LRRC8D: variants seen among roughly 807,000 people sequenced by gnomAD.
LRRC8D encodes leucine rich repeat containing 8 VRAC subunit D, also known as volume-regulated anion channel subunit LRRC8D.
A neutral mutation model predicts 55.8 loss-of-function variants in LRRC8D; 20 were observed. The observed-to-expected ratio is 0.36, with a 90% confidence interval of 0.25 to 0.52. The LOEUF (loss-of-function observed/expected upper bound fraction) is 0.52, where lower values mean the gene tolerates loss of function less well. LRRC8D is among the 20% of genes least tolerant of loss of function. The pLI is 0.93. For missense variants in LRRC8D, 651 were observed against 1,030.8 expected, an observed-to-expected ratio of 0.63 and a Z score of 5.05; for synonymous variants, 352 against 377.0, an observed-to-expected ratio of 0.93 and a Z score of 0.77.
At chr1:89,855,116 A>G (rs777618289) in intron 2 of LRRC8D, among the ~76,000 whole-genome samples, 7 of 151,994 alleles carry the variant, frequency 4.6e-5, no homozygotes, top group Non-Finnish European at 8.8e-5. Context: ...ACTCTTTGTT[A>G]AAAGTGTAGT....
At chr1:89,829,235 A>G (rs1277611262) in intron 1 of LRRC8D, among the ~76,000 whole-genome samples, 1 of 152,228 alleles carries the variant, frequency 6.6e-6, no homozygotes, top group Non-Finnish European at 1.5e-5. Context: ...TGGACAATGT[A>G]TGGAACACCT....
rs1226436542 is a variant in LRRC8D at position 89,925,329 on chromosome 1, C to T, written c.-2-7738C>T. ...AAGCTCAGGGATCGCGCTGATTCCA[C>T]ATTATGGTGAGTTGTATAATTATTT... On this transcript the variant is annotated intron_variant, in intron 2 of 2. Transcript: ENST00000337338. Among the ~76,000 whole-genome samples the T allele has an allele frequency of 3.3e-5, 5 of 152,080 alleles. No individual in the cohort carries two copies. In the South Asian group the frequency reaches 8.3e-4, roughly 25 times the overall value.
chr1:89,883,618 G>T lies in LRRC8D; in HGVS notation c.-3+39836G>T, dbSNP rs2100856149. On this transcript the variant is annotated intron_variant, in intron 2 of 2. Coordinates refer to ENST00000337338, the MANE Select transcript of LRRC8D (RefSeq NM_001134479.2). ...CTGTGGATTCTGGGCCTTTAAGGCTGCTGTTAAAATCACTAACTGTGGGGT... is the reference window on the plus strand; with the variant it reads ...CTGTGGATTCTGGGCCTTTAAGGCTTCTGTTAAAATCACTAACTGTGGGGT... Among the ~76,000 whole-genome samples the T allele has an allele frequency of 2.6e-5, 4 of 152,282 alleles. 1 individual carries two copies. The highest frequency in any genetic ancestry group is 2.6e-4 in the Admixed American group (4 of 15,298).
chr1:89,898,583 C>A (rs1662772311), intron 2 of LRRC8D, among the ~76,000 whole-genome samples: 1 of 152,160 alleles, frequency 6.6e-6, no homozygotes, highest in South Asian at 2.1e-4. Context: ...GTGGCCCCAG[C>A]AGCAAGGCTA....
intron 2 of LRRC8D, among the ~76,000 whole-genome samples, chr1:89,879,298 C>T (rs1662221951): frequency 1.3e-5 from 2 of 152,142 alleles, no homozygotes; most frequent in African/African-American, 2.4e-5. Context: ...TTATCAATTT[C>T]CTGGGGGTAT....
intron 2 of LRRC8D, among the ~76,000 whole-genome samples, chr1:89,917,008 G>C (rs1043454087): frequency 6.6e-6 from 1 of 152,088 alleles, no homozygotes; most frequent in African/African-American, 2.4e-5. Context: ...CTATTGTACA[G>C]GTAAAAGGTG....
chr1:89,828,517 G>GT (rs1194648103), intron 1 of LRRC8D, among the ~76,000 whole-genome samples: 1 of 152,136 alleles, frequency 6.6e-6, no homozygotes, highest in African/African-American at 2.4e-5. Context: ...AGGTTGGCTT[G>GT]TTTTTTCATT....
At chr1:89,881,936 T>C (rs575340342) in intron 2 of LRRC8D, among the ~76,000 whole-genome samples, 17 of 152,196 alleles carry the variant, frequency 1.1e-4, no homozygotes, top group Admixed American at 3.3e-4. Context: ...TGTTCATGAG[T>C]CTTCATCTGG....
rs74228339 is a variant in LRRC8D, at chr1:89,910,587, C to T, written c.-2-22480C>T. On this transcript the variant is annotated intron_variant, in intron 2 of 2. Transcript: ENST00000337338. ...CAAATTTAATTTAATTTGAGTTAAT[C>T]TCTAGTTTAAAATAAGCTGAGGGGG... Among the ~76,000 whole-genome samples the T allele has an allele frequency of 4.7e-3, 718 of 152,088 alleles. 13 individuals carry two copies. The highest frequency in any genetic ancestry group is 0.036 in the East Asian group (188 of 5,178).
At chr1:89,914,491 C>T (rs1422913435) in intron 2 of LRRC8D, among the ~76,000 whole-genome samples, 1 of 150,342 alleles carries the variant, frequency 6.7e-6, no homozygotes, top group Non-Finnish European at 1.5e-5. Flanking sequence ...CAAGCAAGGG[C>T]TTTGAGGACT....
At chr1:89,902,547 T>C (rs1662889546) in intron 2 of LRRC8D, among the ~76,000 whole-genome samples, 1 of 151,964 alleles carries the variant, frequency 6.6e-6, no homozygotes, top group Admixed American at 6.5e-5. Context: ...TTTTCTTTTT[T>C]TTTTTTTGAG....
At chr1:89,921,558 TGAGA>T (rs991438184) in intron 2 of LRRC8D, among the ~76,000 whole-genome samples, 3 of 152,010 alleles carry the variant, frequency 2.0e-5, no homozygotes, top group South Asian at 2.1e-4. Context: ...TTTTGTTTTT[TGAGA>T]GAGAGAGAGT....
intron 1 of LRRC8D, among the ~76,000 whole-genome samples, chr1:89,839,084 A>G (rs939913496): frequency 4.0e-4 from 61 of 152,148 alleles, no homozygotes; most frequent in African/African-American, 1.4e-3. Context: ...ACTCATTTCT[A>G]TTCAATTAAA....
intron 2 of LRRC8D, among the ~76,000 whole-genome samples, chr1:89,876,148 C>T (rs979295776): frequency 1.3e-5 from 2 of 152,166 alleles, no homozygotes; most frequent in African/African-American, 4.8e-5. Context: ...GCTTCGTCTG[C>T]TCTGCTGACA....
chr1:89,922,273 C>T (rs1392366277), intron 2 of LRRC8D, among the ~76,000 whole-genome samples: 1 of 152,094 alleles, frequency 6.6e-6, no homozygotes, highest in East Asian at 1.9e-4. Context: ...TCATGTTGGC[C>T]AGGCTGGTCT....
chr1:89,933,477 C>G lies in LRRC8D; in HGVS notation c.409C>G (p.Arg137Gly). Residue 137 changes from arginine to glycine, a missense_variant, in exon 3 of 3, where the codon CGA becomes GGA. Arg to Gly is a moderately radical substitution (Grantham distance 125). Around this residue, in one of 5 missense-constraint regions of LRRC8D, gnomAD observed 118 missense variants for 138.0 expected, o/e 0.85. Coordinates refer to ENST00000337338, the MANE Select transcript of LRRC8D (RefSeq NM_001134479.2). This position sits in a 1 kb window ranked among gnomAD's most constrained non-coding sequence, Gnocchi z 7.0. ...GAAAGAGAAGAAAGATCCAACAGGT[C>G]GAAAAACAAACTTGGATTTTCAGCA... is the stretch of plus-strand genomic sequence containing the variant. Reference protein sequence around the residue: ...AKKEKKDPTGRKTNLDFQQYV... With the variant: ...AKKEKKDPTGGKTNLDFQQYV... The G allele has an allele frequency of 6.2e-7, 1 of 1,614,038 alleles. No homozygotes were observed. The highest frequency in any genetic ancestry group is 8.5e-7 in the Non-Finnish European group (1 of 1,180,020).
chr1:89,843,578 C>T, intron 1 of LRRC8D, 60 bp from the exon 2 acceptor site: 2 of 697,478 alleles, frequency 2.9e-6, no homozygotes, highest in East Asian at 2.7e-5. Flanking sequence ...GCACTCCTTC[C>T]TCCCCGCTGC....
rs920540775 is a variant in LRRC8D, at chr1:89,916,645, ACT to A, written c.-2-16419_-2-16418del. On this transcript the variant is annotated intron_variant, in intron 2 of 2. Coordinates refer to ENST00000337338, the MANE Select transcript of LRRC8D (RefSeq NM_001134479.2). ...TAATATTTGACTGATGTATAGTTTA[ACT>A]CTGTGTCTCCTCATCTTTTGATTTT... is the stretch of plus-strand genomic sequence containing the variant. Among the ~76,000 whole-genome samples, 4 of 151,768 alleles carry A rather than the reference ACT, an allele frequency of 2.6e-5. 1 individual carries two copies. Among genetic ancestry groups the A allele is most frequent in the Middle Eastern group, 6.8e-3 (2 of 294 alleles).
intron 2 of LRRC8D, among the ~76,000 whole-genome samples, chr1:89,891,700 GATTATA>G (rs1223212091): frequency 2.6e-5 from 4 of 152,182 alleles, no homozygotes; most frequent in Non-Finnish European, 4.4e-5. Context: ...CAATAATGTT[GATTATA>G]ATTATAATGG....
Sources: allele counts gnomAD v4.1 joint callset (sites outside exome capture counted in the v4.1 genomes callset), GRCh38; gene constraint gnomAD v4.1.1; regional missense constraint gnomAD v4.1.1; non-coding constraint Gnocchi (gnomAD v3.1); transcripts MANE v1.5; gene names NCBI Gene and HGNC (gene_info 2026-07-23, HGNC 2026-07-21).